The following LITAF variants were observed in gnomAD, a reference collection of about 807,000 sequenced individuals.
LITAF encodes the protein lipopolysaccharide-induced tumor necrosis factor-alpha factor.
LITAF carries 9 observed loss-of-function variants against 14.5 expected under a neutral mutation model. That is an observed-to-expected ratio of 0.62 (90% CI 0.37 to 1.08). The LOEUF (loss-of-function observed/expected upper bound fraction) is 1.08, where lower values mean the gene tolerates loss of function less well. Ranked by LOEUF, LITAF falls within the 50% of genes least tolerant of loss-of-function variation. The pLI is 0.01. For synonymous variants in LITAF, 98 were observed against 88.2 expected, an observed-to-expected ratio of 1.11 and a Z score of -0.62; for missense variants, 206 against 213.4, an observed-to-expected ratio of 0.97 and a Z score of 0.22.
chr16:11,619,933 C>T (rs1480845555), intron 3 of LITAF, among the ~76,000 whole-genome samples: 4 of 151,722 alleles, frequency 2.6e-5, no homozygotes, highest in Admixed American at 6.6e-5. Flanking sequence ...TTTGGGAGGC[C>T]GAGAGCAGTG....
At chr16:11,561,594 C>A (rs1043106050) in intron 1 of LITAF, 2 of 151,976 alleles carry the variant, frequency 1.3e-5, no homozygotes, top group Non-Finnish European at 2.9e-5. Flanking sequence ...ACAAGAGCAA[C>A]AGGCCAGAAT....
intron 3 of LITAF, among the ~76,000 whole-genome samples, chr16:11,612,179 A>T (rs2064986363): frequency 6.6e-6 from 1 of 152,188 alleles, no homozygotes; most frequent in African/African-American, 2.4e-5. Context: ...GGCACTGCCC[A>T]CACCGCCAAA....
chr16:11,623,453 A>T (rs528657571), intron 3 of LITAF, among the ~76,000 whole-genome samples: 1 of 151,252 alleles, frequency 6.6e-6, no homozygotes, highest in South Asian at 2.1e-4. Context: ...CGAGGTCAGG[A>T]GTTCGAAACC....
chr16:11,570,733 G>A (rs1259868232), intron 1 of LITAF, among the ~76,000 whole-genome samples: 1 of 152,060 alleles, frequency 6.6e-6, no homozygotes, highest in East Asian at 1.9e-4. Flanking sequence ...GCCACATAGA[G>A]AGACCTCATC....
chr16:11,620,199 A>T (rs868375980), intron 3 of LITAF, among the ~76,000 whole-genome samples: 1 of 151,522 alleles, frequency 6.6e-6, no homozygotes, highest in African/African-American at 2.4e-5. Context: ...GAAAAGAAAA[A>T]GAAAAGTAAT....
At chr16:11,636,613 T>C (rs1322978164), upstream of LITAF, among the ~76,000 whole-genome samples, 1 of 152,210 alleles carries the variant, frequency 6.6e-6, no homozygotes, top group Non-Finnish European at 1.5e-5. Context: ...CCTGTTCCTT[T>C]ACGGTACACA....
At chr16:11,567,025 TG>T (rs1413042408) in intron 1 of LITAF, among the ~76,000 whole-genome samples, 6 of 152,208 alleles carry the variant, frequency 3.9e-5, no homozygotes, top group Non-Finnish European at 7.3e-5. Flanking sequence ...GAATTGAGCC[TG>T]GAGTCCTTCA....
intron 1 of LITAF, among the ~76,000 whole-genome samples, chr16:11,571,088 G>C (rs762615898): frequency 6.6e-6 from 1 of 152,154 alleles, no homozygotes; most frequent in African/African-American, 2.4e-5. Context: ...GTGTTGTTGA[G>C]TCCAAGTCTC....
chr16:11,577,129 A>C (rs2064648790), intron 1 of LITAF, among the ~76,000 whole-genome samples: 1 of 151,962 alleles, frequency 6.6e-6, no homozygotes, highest in African/African-American at 2.4e-5. Flanking sequence ...TATTTCCCTA[A>C]CTGGACCATA....
chr16:11,631,790 A>G (rs548526014), intron 3 of LITAF, among the ~76,000 whole-genome samples: 1 of 151,964 alleles, frequency 6.6e-6, no homozygotes, highest in South Asian at 2.1e-4. Flanking sequence ...TAAATCCAGG[A>G]TGATCTCATC....
intron 1 of LITAF, among the ~76,000 whole-genome samples, chr16:11,572,905 G>A (rs985437280): frequency 3.3e-5 from 5 of 149,762 alleles, no homozygotes; most frequent in African/African-American, 1.2e-4. Context: ...TGTATTAATT[G>A]TACCAATTTT....
intron 3 of LITAF, among the ~76,000 whole-genome samples, chr16:11,615,387 A>T (rs2065011280): frequency 6.6e-6 from 1 of 152,178 alleles, no homozygotes; most frequent in African/African-American, 2.4e-5. Flanking sequence ...AAATACAAAA[A>T]TTAGCCTGGC....
At chr16:11,580,076 T>C (rs1952593013) in intron 1 of LITAF, among the ~76,000 whole-genome samples, 1 of 152,204 alleles carries the variant, frequency 6.6e-6, no homozygotes, top group Admixed American at 6.5e-5. Context: ...AAATGCTCAT[T>C]GGAGCATTCT....
At chr16:11,621,877 A>C (rs1209199889) in intron 3 of LITAF, among the ~76,000 whole-genome samples, 4 of 152,056 alleles carry the variant, frequency 2.6e-5, no homozygotes, top group African/African-American at 9.7e-5. Flanking sequence ...CTAAGATAAG[A>C]AACCAGCTCC....
At chr16:11,596,504 G>A (rs2064888155) in intron 1 of LITAF, among the ~76,000 whole-genome samples, 1 of 80,372 alleles carries the variant, frequency 1.2e-5, no homozygotes, top group Non-Finnish European at 2.5e-5. Flanking sequence ...GAGGGGGGAA[G>A]GGGAGGAGGA....
intron 3 of LITAF, among the ~76,000 whole-genome samples, chr16:11,630,186 G>C (rs1312070829): frequency 1.3e-5 from 2 of 152,164 alleles, no homozygotes; most frequent in Non-Finnish European, 2.9e-5. Context: ...GTGTTTGGGA[G>C]TCCTGGCTTC....
intron 3 of LITAF, among the ~76,000 whole-genome samples, chr16:11,550,620 C>T (rs1014764873): frequency 6.6e-6 from 1 of 152,198 alleles, no homozygotes; most frequent in South Asian, 2.1e-4. Flanking sequence ...ACTTTTTTTG[C>T]AAAGGGACAG....
chr16:11,600,965 G>A (rs1324848678), upstream of LITAF, among the ~76,000 whole-genome samples: 1 of 152,172 alleles, frequency 6.6e-6, no homozygotes, highest in East Asian at 1.9e-4. The surrounding 1 kb of genome is among the most constrained non-coding windows in gnomAD (Gnocchi z 4.1). Context: ...GTGTGGCTGA[G>A]TGAGGCCTGG....
At chr16:11,618,003 T>TG (rs2065028621) in intron 3 of LITAF, among the ~76,000 whole-genome samples, 1 of 152,204 alleles carries the variant, frequency 6.6e-6, no homozygotes, top group East Asian at 1.9e-4. Flanking sequence ...CCCAAGCAGC[T>TG]GGGACTACAG....
Sources: allele counts gnomAD v4.1 joint callset (sites outside exome capture counted in the v4.1 genomes callset), GRCh38; gene constraint gnomAD v4.1.1; non-coding constraint Gnocchi (gnomAD v3.1); transcripts MANE v1.5; gene names NCBI Gene and HGNC (gene_info 2026-07-23, HGNC 2026-07-21).